Variants in KCNQ5 observed in about 807,000 individuals in gnomAD.
KCNQ5 encodes potassium voltage-gated channel subfamily Q member 5, also known as potassium voltage-gated channel subfamily KQT member 5.
A neutral mutation model predicts 98.2 loss-of-function variants in KCNQ5; 30 were observed. The ratio of observed to expected loss-of-function variants is 0.31; its 90% CI spans 0.23 to 0.41. KCNQ5 has a LOEUF of 0.41. Ranked by LOEUF, KCNQ5 falls within the 10% of genes least tolerant of loss-of-function variation. The pLI is 1.00. For missense variants in KCNQ5, 835 were observed against 1,182.5 expected (o/e 0.71, Z 4.31); for synonymous variants, 458 against 449.4 (o/e 1.02, Z -0.24).
chr6:72,825,123 G>GA (rs933170150), intron 1 of KCNQ5, among the ~76,000 whole-genome samples: 2 of 150,954 alleles, frequency 1.3e-5, no homozygotes, highest in Admixed American at 6.6e-5. Flanking sequence ...AGGCTAGGGA[G>GA]AAAAAAACAA....
At chr6:73,075,516 C>T (rs1227060325) in intron 3 of KCNQ5, among the ~76,000 whole-genome samples, 2 of 152,178 alleles carry the variant, frequency 1.3e-5, no homozygotes, top group Non-Finnish European at 2.9e-5. Flanking sequence ...CCACTGCGCC[C>T]AGCCTAGTCT....
intron 1 of KCNQ5, among the ~76,000 whole-genome samples, chr6:72,941,774 G>C (rs1350776205): frequency 1.6e-5 from 2 of 128,406 alleles, no homozygotes; most frequent in Non-Finnish European, 1.7e-5. Flanking sequence ...ACTGATTGCT[G>C]GTTTCCTTCT....
rs1363410009 is a variant in KCNQ5, at chr6:72,622,714, G to C, written c.398+127G>C. 3 of 967,040 alleles carry C rather than the reference G, an allele frequency of 3.1e-6. No individual in the cohort carries two copies. Among genetic ancestry groups the C allele is most frequent in the African/African-American group, 1.7e-5 (1 of 59,330 alleles). The allele number at this position is 967,040 out of a possible 1,614,324, so 59.9% of individuals were successfully genotyped here. On this transcript the variant is annotated intron_variant, in intron 1 of 13. Coordinates refer to ENST00000370398, the MANE Select transcript of KCNQ5 (RefSeq NM_019842.4). This position sits in a 1 kb window ranked among gnomAD's most constrained non-coding sequence, Gnocchi z 6.0. ...CACACGTGGTGGCTTTTATTTCTTC[G>C]CACGTGTTCGTGGTCTTCCTTCTGG...
chr6:73,085,361 C>T (rs958784601), intron 5 of KCNQ5, among the ~76,000 whole-genome samples: 3 of 152,154 alleles, frequency 2.0e-5, no homozygotes, highest in African/African-American at 7.2e-5. Flanking sequence ...AAACCCACAC[C>T]AACTCCCTCT....
intron 10 of KCNQ5, among the ~76,000 whole-genome samples, chr6:73,168,075 A>T (rs990077589): frequency 2.0e-5 from 3 of 152,218 alleles, no homozygotes; most frequent in African/African-American, 7.2e-5. Context: ...AGGGACCTCG[A>T]AGAAGAGCTG....
At chr6:72,829,193 T>C (rs1417170375) in intron 1 of KCNQ5, among the ~76,000 whole-genome samples, 3 of 152,114 alleles carry the variant, frequency 2.0e-5, no homozygotes, top group Non-Finnish European at 2.9e-5. Context: ...TGTGTCCTGT[T>C]CTGCAGCAGG....
intron 3 of KCNQ5, among the ~76,000 whole-genome samples, chr6:73,076,143 G>A (rs1773530825): frequency 6.6e-6 from 1 of 152,168 alleles, no homozygotes; most frequent in East Asian, 1.9e-4. Context: ...AGGGGCACCA[G>A]CAGAGAGGCT....
intron 1 of KCNQ5, among the ~76,000 whole-genome samples, chr6:72,762,175 A>T (rs1437794780): frequency 6.6e-6 from 1 of 152,104 alleles, no homozygotes; most frequent in Non-Finnish European, 1.5e-5. Context: ...TATAGGAAAA[A>T]TTCAAAAAAT....
chr6:72,900,482 T>C (rs1337134158), intron 1 of KCNQ5, among the ~76,000 whole-genome samples: 1 of 147,012 alleles, frequency 6.8e-6, no homozygotes, highest in Non-Finnish European at 1.5e-5. Flanking sequence ...TATTCCATCA[T>C]ATATATATAT....
chr6:73,017,509 T>C (rs1207067672), intron 2 of KCNQ5, among the ~76,000 whole-genome samples: 1 of 152,106 alleles, frequency 6.6e-6, no homozygotes, highest in Non-Finnish European at 1.5e-5. Context: ...CCCATGCAGG[T>C]ATACACACCA....
chr6:72,986,622 G>T, intron 1 of KCNQ5: 2 of 693,420 alleles, frequency 2.9e-6, no homozygotes, highest in Non-Finnish European at 2.6e-6. Context: ...ACCACGCTGC[G>T]TGCCAGACGG....
chr6:73,000,146 A>G (rs1049771399), intron 1 of KCNQ5, among the ~76,000 whole-genome samples: 1 of 152,142 alleles, frequency 6.6e-6, no homozygotes, highest in Non-Finnish European at 1.5e-5. Context: ...ACATGCGCAC[A>G]GGATCCTCAG....
At chr6:72,950,406 T>C (rs1290001446) in intron 1 of KCNQ5, among the ~76,000 whole-genome samples, 1 of 152,198 alleles carries the variant, frequency 6.6e-6, no homozygotes, top group African/African-American at 2.4e-5. Context: ...AAGCTAATGC[T>C]TCACAAATAG....
chr6:72,819,403 T>C (rs1775650598), intron 1 of KCNQ5, among the ~76,000 whole-genome samples: 1 of 152,144 alleles, frequency 6.6e-6, no homozygotes, highest in Admixed American at 6.6e-5. Context: ...AACATATCGA[T>C]GAATGAAAAT....
intron 1 of KCNQ5, among the ~76,000 whole-genome samples, chr6:72,768,045 G>C (rs1772669011): frequency 1.3e-5 from 2 of 152,044 alleles, no homozygotes; most frequent in African/African-American, 4.8e-5. Context: ...GAACATTAAT[G>C]TTCATAGAAG....
At chr6:72,828,524 A>G (rs1421054752) in intron 1 of KCNQ5, among the ~76,000 whole-genome samples, 1 of 151,452 alleles carries the variant, frequency 6.6e-6, no homozygotes, top group African/African-American at 2.4e-5. Context: ...TCTTTTTGTT[A>G]GTTCATTCAT....
At chr6:72,986,690 G>A in intron 1 of KCNQ5, 1 of 1,115,600 alleles carries the variant, frequency 9.0e-7, no homozygotes, top group Non-Finnish European at 1.3e-6. Flanking sequence ...GTTCCTCTGT[G>A]GGGAGAAGAA....
intron 1 of KCNQ5, among the ~76,000 whole-genome samples, chr6:72,691,065 A>T (rs377753226): frequency 6.6e-6 from 1 of 152,206 alleles, no homozygotes; most frequent in Admixed American, 6.5e-5. Context: ...TCTTCTTAGC[A>T]TAGGTTTTTG....
intron 1 of KCNQ5, among the ~76,000 whole-genome samples, chr6:72,867,890 A>G (rs984591505): frequency 3.3e-5 from 5 of 152,042 alleles, no homozygotes; most frequent in Admixed American, 1.3e-4. Context: ...AGGTATGATC[A>G]GCCACTGCAC....
Sources: allele counts gnomAD v4.1 joint callset (sites outside exome capture counted in the v4.1 genomes callset), GRCh38; gene constraint gnomAD v4.1.1; non-coding constraint Gnocchi (gnomAD v3.1); transcripts MANE v1.5; gene names NCBI Gene and HGNC (gene_info 2026-07-23, HGNC 2026-07-21).